ITPR1: variants seen among roughly 807,000 people sequenced by gnomAD.
ITPR1 encodes inositol 1,4,5-trisphosphate receptor type 1.
A neutral mutation model predicts 318.4 loss-of-function variants in ITPR1; 96 were observed. The observed-to-expected ratio is 0.30, with a 90% CI of 0.26 to 0.36. The LOEUF (loss-of-function observed/expected upper bound fraction) is 0.36. ITPR1 is among the 10% of genes least tolerant of loss of function. The pLI, the probability that ITPR1 is intolerant of heterozygous loss-of-function variation, is 1.00. For synonymous variants in ITPR1, 1,312 were observed against 1,289.9 expected, an observed-to-expected ratio of 1.02 and a Z score of -0.37; for missense variants, 2,440 against 3,460.2, an observed-to-expected ratio of 0.71 and a Z score of 7.40.
intron 7 of ITPR1, among the ~76,000 whole-genome samples, chr3:4,643,882 A>G (rs1288193054): frequency 6.6e-6 from 1 of 150,620 alleles, no homozygotes; most frequent in African/African-American, 2.4e-5. Flanking sequence ...TCCTGCTCTG[A>G]ACTGGCTTTG....
intron 53 of ITPR1, among the ~76,000 whole-genome samples, chr3:4,795,883 C>G (rs756378997): frequency 6.6e-6 from 1 of 152,202 alleles, no homozygotes; most frequent in Non-Finnish European, 1.5e-5. Context: ...CAAAGCTCCT[C>G]TTCTGTGATA....
At position 4,736,995 on chromosome 3, in the gene ITPR1, G is replaced by T. The variant is rs1244045430; in HGVS notation, c.5544+1641G>T. 8.5e-5 allele frequency among the ~76,000 whole-genome samples: 13 copies of T among 152,310 alleles called. No individual in the cohort carries two copies. In the East Asian group the frequency reaches 2.5e-3, roughly 29 times the overall value. On this transcript the variant is annotated intron_variant, in intron 44 of 61. Transcript: ENST00000649015. ...GTGGTGAACTTTTCATAAACCAATG[G>T]ATTCAGGTTGAAGACCTGGCCATTT...
At chr3:4,673,466 T>C in intron 21 of ITPR1, 79 bp downstream of exon 21, 3 of 1,320,262 alleles carry the variant, frequency 2.3e-6, no homozygotes. Context: ...CATTAAATCT[T>C]AGAAGAAAGA....
chr3:4,742,412 G>C (rs533169209), intron 44 of ITPR1, among the ~76,000 whole-genome samples: 1 of 152,290 alleles, frequency 6.6e-6, no homozygotes, highest in South Asian at 2.1e-4. Context: ...GTACAGCCTG[G>C]GCTCAAGCCC....
rs1418180557 is a variant in ITPR1, at chr3:4,790,182, CTGGAATAG to C, written c.6808+2045_6808+2052del. Among the ~76,000 whole-genome samples the C allele has an allele frequency of 3.3e-5, 5 of 152,178 alleles. No individual in the cohort carries two copies. The East Asian group carries it at 9.7e-4, about 29-fold the overall frequency. On this transcript the variant is annotated intron_variant, in intron 52 of 61. Transcript: ENST00000649015. The stretch of plus-strand genomic sequence containing the variant: ...CTTTTTTTGAGATAATGTCTCCAGC[CTGGAATAG>C]TAGGAGGACCCTCAGGCCCAAAGAG...
chr3:4,608,697 A>G (rs916672552), intron 4 of ITPR1, among the ~76,000 whole-genome samples: 4 of 152,040 alleles, frequency 2.6e-5, no homozygotes, highest in African/African-American at 4.8e-5. Flanking sequence ...GGAATTACAG[A>G]TGACACCCAA....
At chr3:4,538,138 G>A (rs2084051718) in intron 4 of ITPR1, among the ~76,000 whole-genome samples, 1 of 151,850 alleles carries the variant, frequency 6.6e-6, no homozygotes, top group Admixed American at 6.6e-5. Flanking sequence ...AAATTGTAAT[G>A]TTAAGCATCT....
intron 44 of ITPR1, among the ~76,000 whole-genome samples, chr3:4,755,810 G>A (rs1035214959): frequency 2.0e-5 from 3 of 152,226 alleles, no homozygotes; most frequent in Non-Finnish European, 2.9e-5. Context: ...GTTAAAAGGT[G>A]ACTGTACAGT....
chr3:4,744,754 T>C (rs2043955497), intron 44 of ITPR1, among the ~76,000 whole-genome samples: 1 of 152,244 alleles, frequency 6.6e-6, no homozygotes, highest in African/African-American at 2.4e-5. Context: ...TCCCCTGGTA[T>C]GGCAATTTTT....
Position 4,531,507 on chromosome 3 carries a change from A to G in ITPR1, c.163+10413A>G, listed in dbSNP as rs557511032. On this transcript the variant is annotated intron_variant, in intron 4 of 61. Transcript: ENST00000649015. ...TGAAGATGTCATTCAGCTGCTTGGA[A>G]CCTCATAGTGGTTCCCCAGTTGTGC... Among the ~76,000 whole-genome samples, 46 of 151,940 alleles carry G rather than the reference A, an allele frequency of 3.0e-4. No homozygotes were observed. The South Asian group carries it at 9.1e-3, about 30-fold the overall frequency.
At chr3:4,773,879 T>C (rs1008036935) in intron 46 of ITPR1, among the ~76,000 whole-genome samples, 2 of 152,166 alleles carry the variant, frequency 1.3e-5, no homozygotes, top group Non-Finnish European at 2.9e-5. Flanking sequence ...TTGGGTTAAG[T>C]TGTAGTGGGG....
chr3:4,512,212 T>TC lies in ITPR1; in HGVS notation c.-16-4261dup, dbSNP rs1349082212. 1.2e-4 allele frequency among the ~76,000 whole-genome samples: 19 copies of TC among 152,284 alleles called. 1 individual carries two copies. Among genetic ancestry groups the TC allele is most frequent in the South Asian group, 4.1e-4 (2 of 4,830 alleles). Reference sequence around the variant, plus strand: ...TCAAACTCCTTGCTTCAAGCCATCCTCCCACCTTGGCTGTTTAAGATGTGA... The same window carrying TC: ...TCAAACTCCTTGCTTCAAGCCATCCTCCCCACCTTGGCTGTTTAAGATGTGA... On this transcript the variant is annotated intron_variant, in intron 2 of 61. Coordinates refer to ENST00000649015, the MANE Select transcript of ITPR1 (RefSeq NM_001378452.1).
intron 4 of ITPR1, among the ~76,000 whole-genome samples, chr3:4,617,217 A>C (rs995842289): frequency 1.3e-5 from 2 of 152,102 alleles, no homozygotes; most frequent in African/African-American, 4.8e-5. Context: ...CCAGTGTCTT[A>C]GTCTATTTGT....
chr3:4,555,701 T>C (rs2086055069), intron 4 of ITPR1, among the ~76,000 whole-genome samples: 1 of 152,230 alleles, frequency 6.6e-6, no homozygotes, highest in South Asian at 2.1e-4. Context: ...AGCCATTCTC[T>C]GAGTGATAAA....
intron 44 of ITPR1, among the ~76,000 whole-genome samples, chr3:4,764,894 T>C (rs1358790666): frequency 6.6e-6 from 1 of 152,134 alleles, no homozygotes; most frequent in African/African-American, 2.4e-5. Context: ...ACTTCTCTTA[T>C]AACTGACATA....
Position 4,826,146 on chromosome 3 carries a change from G to T in ITPR1, c.8028+7904G>T, listed in dbSNP as rs570670634. Among the ~76,000 whole-genome samples, 4 of 152,368 alleles carry T rather than the reference G, an allele frequency of 2.6e-5. No individual in the cohort carries two copies. The South Asian group carries it at 8.3e-4, about 32-fold the overall frequency. ...GGCAGCTCCTGGCTGTTGATAAAGT[G>T]CCGTGGACACCTTCTGCTTCGTGCA... On this transcript the variant is annotated intron_variant, in intron 60 of 61. Transcript: ENST00000649015. The surrounding 1 kb of genome is among the most constrained non-coding windows in gnomAD (Gnocchi z 4.2).
intron 3 of ITPR1, 30 bp downstream of exon 3, chr3:4,516,613 G>T (rs377352614): frequency 7.2e-7 from 1 of 1,388,562 alleles, no homozygotes; most frequent in Non-Finnish European, 1.0e-6. Flanking sequence ...TGTGTGGCAC[G>T]GTTTGTTTAA....
chr3:4,747,173 T>C (rs530800618), intron 44 of ITPR1, among the ~76,000 whole-genome samples: 1 of 152,318 alleles, frequency 6.6e-6, no homozygotes, highest in Non-Finnish European at 1.5e-5. Context: ...TTCTTTGTAA[T>C]AATGATGGAC....
At chr3:4,841,352 T>G (rs779933332) in intron 61 of ITPR1, among the ~76,000 whole-genome samples, 6 of 152,182 alleles carry the variant, frequency 3.9e-5, no homozygotes, top group Non-Finnish European at 8.8e-5. Context: ...ACTTCTGAGC[T>G]GGCAGAGAAA....
Sources: allele counts gnomAD v4.1 joint callset (sites outside exome capture counted in the v4.1 genomes callset), GRCh38; gene constraint gnomAD v4.1.1; non-coding constraint Gnocchi (gnomAD v3.1); transcripts MANE v1.5; gene names NCBI Gene and HGNC (gene_info 2026-07-23, HGNC 2026-07-21).